Variants in POLR1A observed in about 807,000 individuals in gnomAD.
POLR1A encodes the protein RNA polymerase I subunit A.
POLR1A carries 84 observed loss-of-function variants against 205.3 expected under a neutral mutation model. The ratio of observed to expected loss-of-function variants is 0.41; its 90% confidence interval spans 0.34 to 0.49. The LOEUF (loss-of-function observed/expected upper bound fraction) is 0.49, where lower values mean the gene tolerates loss of function less well. Ranked by LOEUF, POLR1A falls within the 20% of genes least tolerant of loss-of-function variation. The pLI is 0.22. For missense variants in POLR1A, 1,645 were observed against 2,204.5 expected, an observed-to-expected ratio of 0.75 and a Z score of 5.08; for synonymous variants, 799 against 863.7, an observed-to-expected ratio of 0.93 and a Z score of 1.31.
rs2104370816 is a variant in POLR1A at position 86,022,891 on chromosome 2, T to A, written c.*4532A>T. On this transcript the variant is annotated 3_prime_UTR_variant, in exon 34 of 34. Transcript: ENST00000263857. ...CACTGTGCCCGGCCAGAATCAATCT[T>A]TTTTTTTTTCCTAAGACGGAGTCTC... is the stretch of plus-strand genomic sequence containing the variant. The A allele has an allele frequency of 6.6e-6, 1 of 150,722 alleles. No homozygotes were observed. Among genetic ancestry groups the A allele is most frequent in the South Asian group, 2.1e-4 (1 of 4,758 alleles). 9.3% of individuals were successfully genotyped at this position (150,722 alleles called of 1,614,324 possible).
At position 86,072,435 on chromosome 2, in the gene POLR1A, T is replaced by G. The variant is rs967484387; in HGVS notation, c.1612-2163A>C. Among the ~76,000 whole-genome samples, 13 of 152,332 alleles carry G rather than the reference T, an allele frequency of 8.5e-5. 1 individual carries two copies. In the Middle Eastern group the frequency reaches 0.017, roughly 199 times the overall value. On this transcript the variant is annotated intron_variant, in intron 12 of 33. Coordinates refer to ENST00000263857, the MANE Select transcript of POLR1A (RefSeq NM_015425.6). The stretch of plus-strand genomic sequence containing the variant: ...GGCCTAGGATTTGAGTCTTGCAAAT[T>G]TGAGACATCCTCCAGCGTAAGCAAA...
In POLR1A at chr2:86,028,537, T is replaced by A. The variant is rs1000360755; in HGVS notation, c.4897+57A>T. 31 of 1,279,222 alleles carry A rather than the reference T, an allele frequency of 2.4e-5. 1 individual carries two copies. The allele number at this position is 1,279,222 out of a possible 1,614,324, so 79.2% of individuals were successfully genotyped here. ...ACGGTCCTGACCCTCCTGCCGAGCC[T>A]TCTGGTGTCCTGGCTGGTGCCCAGA... is the stretch of plus-strand genomic sequence containing the variant. On this transcript the variant is annotated intron_variant, in intron 32 of 33. Coordinates refer to ENST00000263857, the MANE Select transcript of POLR1A (RefSeq NM_015425.6). The surrounding 1 kb of genome is among the most constrained non-coding windows in gnomAD (Gnocchi z 4.5).
At chr2:86,076,409 C>G (rs1466750303) in intron 11 of POLR1A, among the ~76,000 whole-genome samples, 1 of 152,252 alleles carries the variant, frequency 6.6e-6, no homozygotes, top group Non-Finnish European at 1.5e-5. Flanking sequence ...TATCTATTTA[C>G]TGTCTGTCTC....
chr2:86,101,644 G>A (rs903520080), intron 1 of POLR1A, among the ~76,000 whole-genome samples: 1 of 152,130 alleles, frequency 6.6e-6, no homozygotes, highest in Non-Finnish European at 1.5e-5. Context: ...TTTTGAAACT[G>A]TAATAAAATA....
intron 29 of POLR1A, 92 bp downstream of exon 29, chr2:86,032,180 G>GGT: frequency 1.2e-6 from 1 of 860,720 alleles, no homozygotes. Context: ...ATGACACAGA[G>GGT]GTGTGGCCTG....
intron 26 of POLR1A, 90 bp downstream of exon 26, chr2:86,039,237 G>C: frequency 1.4e-6 from 2 of 1,403,984 alleles, no homozygotes; most frequent in Admixed American, 1.8e-5. Flanking sequence ...CCTAGGGTCA[G>C]AGCAGTAAGC....
chr2:86,032,149 T>G (rs1224082419), intron 29 of POLR1A, 123 bp downstream of exon 29: 26 of 715,642 alleles, frequency 3.6e-5, no homozygotes, highest in Middle Eastern at 2.4e-4. Flanking sequence ...CAGGTGCTGC[T>G]TCAGGGTTCC....
In POLR1A at chr2:86,027,439, T is replaced by C. The variant is rs1672285326; in HGVS notation, c.5147A>G (p.Lys1716Arg). The C allele has an allele frequency of 6.2e-7, 1 of 1,613,986 alleles. No individual in the cohort carries two copies. Among genetic ancestry groups the C allele is most frequent in the Non-Finnish European group, 8.5e-7 (1 of 1,179,966 alleles). ...GGGTAGCTGCTATCTCAGAGGCTGC[T>C]TGAGCTCGAACAGGCCTGTCCCGCC... ...VRGGTGLFEL[K>R]QPLR The change falls in exon 34 of 34, where the codon AAG (lysine) becomes AGG (arginine). Residue 1716 changes from lysine to arginine, a missense_variant. By Grantham distance (26) the Lys-to-Arg change is conservative. Around this residue, in one of 16 missense-constraint regions of POLR1A, gnomAD observed 86 missense variants for 149.8 expected, o/e 0.57. Transcript: ENST00000263857.
intron 16 of POLR1A, among the ~76,000 whole-genome samples, chr2:86,049,507 A>ATGG (rs1672764061): frequency 6.6e-6 from 1 of 152,248 alleles, no homozygotes. Flanking sequence ...ATGGGTAGAA[A>ATGG]GTAAACCCAG....
rs368814752 is a variant in POLR1A at position 86,045,260 on chromosome 2, A to G, written c.2969+18T>C. 2 of 1,551,782 alleles carry G rather than the reference A, an allele frequency of 1.3e-6. No homozygotes were observed. The highest frequency in any genetic ancestry group is 1.8e-6 in the Non-Finnish European group (2 of 1,123,468). Reference sequence around the variant, plus strand: ...GCCCTGGCACTCTACCTCAAGGGGCACGGCAGATACATTTTACCTTTGGAG... The same window carrying G: ...GCCCTGGCACTCTACCTCAAGGGGCGCGGCAGATACATTTTACCTTTGGAG... On this transcript the variant is annotated intron_variant, in intron 21 of 33. Coordinates refer to ENST00000263857, the MANE Select transcript of POLR1A (RefSeq NM_015425.6).
intron 27 of POLR1A, among the ~76,000 whole-genome samples, chr2:86,035,256 A>C (rs928087143): frequency 6.6e-6 from 1 of 152,236 alleles, no homozygotes; most frequent in African/African-American, 2.4e-5. Context: ...AATCCAGAGA[A>C]GAGCTTGTTT....
intron 21 of POLR1A, 30 bp downstream of exon 21, chr2:86,045,248 A>T: frequency 4.8e-6 from 7 of 1,444,522 alleles, no homozygotes; most frequent in Non-Finnish European, 6.8e-6. Flanking sequence ...CTGGCACTCT[A>T]CCTCAAGGGG....
intron 23 of POLR1A, 31 bp downstream of exon 23, chr2:86,042,943 G>A: frequency 2.0e-6 from 3 of 1,516,970 alleles, no homozygotes; most frequent in Non-Finnish European, 2.7e-6. Context: ...TGGACGTGCT[G>A]GACATTAAGG....
intron 6 of POLR1A, among the ~76,000 whole-genome samples, chr2:86,086,111 T>G (rs894669221): frequency 3.3e-5 from 5 of 151,452 alleles, no homozygotes; most frequent in Non-Finnish European, 5.9e-5. Flanking sequence ...CAGGCTGGAG[T>G]GCAATGGCAC....
chr2:86,088,445 TC>T, intron 6 of POLR1A, 120 bp downstream of exon 6: 1 of 672,256 alleles, frequency 1.5e-6, no homozygotes, highest in Non-Finnish European at 2.6e-6. Context: ...ACACTGTGCC[TC>T]TGCTGGCCCC....
intron 1 of POLR1A, among the ~76,000 whole-genome samples, chr2:86,102,453 C>A (rs1315070080): frequency 6.6e-6 from 1 of 152,168 alleles, no homozygotes; most frequent in Non-Finnish European, 1.5e-5. Context: ...AGTCCTTTGT[C>A]CATTTTAAAA....
At chr2:86,030,936 G>A (rs183491497) in intron 30 of POLR1A, among the ~76,000 whole-genome samples, 172 of 152,318 alleles carry the variant, frequency 1.1e-3, no homozygotes, top group African/African-American at 4.0e-3. Flanking sequence ...TCTACAACAC[G>A]TGTGGTCCAT....
Position 86,031,441 on chromosome 2 carries a change from G to A in POLR1A, c.4467C>T (p.Ser1489=). The A allele has an allele frequency of 6.2e-7, 1 of 1,614,140 alleles. No individual in the cohort carries two copies. Among genetic ancestry groups the A allele is most frequent in the Middle Eastern group, 1.6e-4 (1 of 6,062 alleles). Residue 1489 remains serine (S), a synonymous_variant, in exon 30 of 34, where the codon AGC becomes AGT. Transcript: ENST00000263857. The part of the protein sequence containing the change: ...LLTQPRKPTH[S]QEPQGPEAME... ...TGGCCTCGGGCCCCTGGGGCTCCTGGCTGTGGGTGGGTTTCCGGGGCTGCG... is the reference window on the plus strand; with the variant it reads ...TGGCCTCGGGCCCCTGGGGCTCCTGACTGTGGGTGGGTTTCCGGGGCTGCG...
rs114156194 is a variant in POLR1A, at chr2:86,094,126, C to T, written c.433-4197G>A. 7.2e-3 allele frequency among the ~76,000 whole-genome samples: 1,091 copies of T among 152,220 alleles called. 15 individuals are homozygous for T. Among genetic ancestry groups the T allele is most frequent in the African/African-American group, 0.024 (1,016 of 41,524 alleles). On this transcript the variant is annotated intron_variant, in intron 3 of 33. Coordinates refer to ENST00000263857, the MANE Select transcript of POLR1A (RefSeq NM_015425.6). ...ATCACTTGAATAAAGGGGTGACTGC[C>T]AGGCAAGAAGTCTTTTCCATGGTAA...
Sources: allele counts gnomAD v4.1 joint callset (sites outside exome capture counted in the v4.1 genomes callset), GRCh38; gene constraint gnomAD v4.1.1; regional missense constraint gnomAD v4.1.1; non-coding constraint Gnocchi (gnomAD v3.1); transcripts MANE v1.5; gene names NCBI Gene and HGNC (gene_info 2026-07-23, HGNC 2026-07-21).